The following LURAP1L variants were observed in gnomAD, a reference collection of about 807,000 sequenced individuals.
LURAP1L encodes leucine rich adaptor protein 1-like.
Under a neutral mutation model 13.8 loss-of-function variants are expected in LURAP1L, and 12 were observed. The observed-to-expected ratio is 0.87, with a 90% confidence interval of 0.56 to 1.41. The LOEUF is 1.41. Ranked by LOEUF, LURAP1L falls within the 40% of genes most tolerant of loss-of-function variation. LURAP1L has a pLI of 0.00. For missense variants in LURAP1L, 375 were observed against 292.9 expected (o/e 1.28, Z -2.04); for synonymous variants, 139 against 119.2 (o/e 1.17, Z -1.08).
chr9:12,784,712 T>C (rs954767397), intron 1 of LURAP1L, among the ~76,000 whole-genome samples: 1 of 152,092 alleles, frequency 6.6e-6, no homozygotes, highest in African/African-American at 2.4e-5. Flanking sequence ...GATGTTTATT[T>C]AAGGCCCAAG....
intron 1 of LURAP1L, among the ~76,000 whole-genome samples, chr9:12,798,079 A>AT (rs1238616960): frequency 6.6e-6 from 1 of 152,204 alleles, no homozygotes; most frequent in Non-Finnish European, 1.5e-5. Context: ...CATAAGCATC[A>AT]TTTTTATTTC....
chr9:12,792,233 A>G (rs1819450075), intron 1 of LURAP1L, among the ~76,000 whole-genome samples: 1 of 152,158 alleles, frequency 6.6e-6, no homozygotes, highest in African/African-American at 2.4e-5. Flanking sequence ...TAACAAAACA[A>G]TTGCCTTGCA....
At chr9:12,815,729 C>A (rs989498967) in intron 1 of LURAP1L, among the ~76,000 whole-genome samples, 2 of 152,114 alleles carry the variant, frequency 1.3e-5, no homozygotes, top group Non-Finnish European at 2.9e-5. Context: ...GTATATGATG[C>A]TATCCAAGGC....
rs1194656276 is a variant in LURAP1L at position 12,775,914 on chromosome 9, C to T, written c.199C>T (p.Pro67Ser). 5 of 1,568,296 alleles carry T rather than the reference C, an allele frequency of 3.2e-6. No homozygotes were observed. The highest frequency in any genetic ancestry group is 1.7e-4 in the Middle Eastern group (1 of 6,008). The change falls in exon 1 of 2, where the codon CCC becomes TCC. Residue 67 changes from proline to serine, a missense_variant. Coordinates refer to ENST00000319264, the MANE Select transcript of LURAP1L (RefSeq NM_203403.2). ...CAGCAGCAGCTACTGCAGCTTCCCT[C>T]CCTCCTTGTCGTCCTCCTCTTCGTC... is the stretch of plus-strand genomic sequence containing the variant. ...SSSSSYCSFP[P>S]SLSSSSSSSP...
At chr9:12,802,215 C>T (rs10960800) in intron 1 of LURAP1L, among the ~76,000 whole-genome samples, 19,712 of 152,144 alleles carry the variant, frequency 0.13, 1,579 homozygotes, top group East Asian at 0.27. Flanking sequence ...AATAAAGCCT[C>T]TAAGCTATTT....
chr9:12,814,836 T>C (rs1458926490), intron 1 of LURAP1L, among the ~76,000 whole-genome samples: 2 of 152,220 alleles, frequency 1.3e-5, no homozygotes, highest in African/African-American at 4.8e-5. Context: ...GTTTCAGTTA[T>C]TGTTCAGTTC....
At chr9:12,813,799 T>C (rs1031015413) in intron 1 of LURAP1L, among the ~76,000 whole-genome samples, 2 of 152,192 alleles carry the variant, frequency 1.3e-5, no homozygotes, top group Non-Finnish European at 2.9e-5. Flanking sequence ...TAGTTTTCAC[T>C]AAGTGAAAAA....
chr9:12,810,719 T>C (rs1190671582), intron 1 of LURAP1L, among the ~76,000 whole-genome samples: 1 of 152,184 alleles, frequency 6.6e-6, no homozygotes, highest in Non-Finnish European at 1.5e-5. Context: ...AATCACTAGA[T>C]TGGAAAGTTA....
chr9:12,816,442 T>G (rs1026463599), intron 1 of LURAP1L, among the ~76,000 whole-genome samples: 2 of 152,176 alleles, frequency 1.3e-5, no homozygotes, highest in Admixed American at 1.3e-4. Context: ...AATAGGAAGA[T>G]AGTGGCAGTG....
rs149251238 is a variant in LURAP1L, at chr9:12,799,001, C to G, written c.313-22385C>G. Among the ~76,000 whole-genome samples, 4 of 152,060 alleles carry G rather than the reference C, an allele frequency of 2.6e-5. No individual in the cohort carries two copies. The East Asian group carries it at 7.7e-4, about 29-fold the overall frequency. On this transcript the variant is annotated intron_variant, in intron 1 of 1. Transcript: ENST00000319264. ...TTGAAAGATTATTCTTTTTTTAATCCAGTCCTAAACTGTCATCAGAAAATG... is the reference window on the plus strand; with the variant it reads ...TTGAAAGATTATTCTTTTTTTAATCGAGTCCTAAACTGTCATCAGAAAATG...
intron 1 of LURAP1L, among the ~76,000 whole-genome samples, chr9:12,798,109 G>C (rs1326567011): frequency 6.6e-6 from 1 of 152,150 alleles, no homozygotes; most frequent in Non-Finnish European, 1.5e-5. Flanking sequence ...ATAAAAGCAT[G>C]TATAATTTAG....
chr9:12,812,098 C>T (rs571073982), intron 1 of LURAP1L, among the ~76,000 whole-genome samples: 269 of 152,272 alleles, frequency 1.8e-3, no homozygotes, highest in African/African-American at 6.3e-3. Context: ...AGGCAGAAGC[C>T]ACAATCTTTT....
At position 12,821,739 on chromosome 9, in the gene LURAP1L, T is replaced by G. The variant is rs771526538; in HGVS notation, c.666T>G (p.Ser222=). ...QALHKRPKLD[S]EYYCFG is the part of the protein sequence containing the mutation. ...TACACAAGCGTCCTAAATTGGATTC[T>G]GAATACTACTGCTTTGGCTAGTGAC... The change falls in exon 2 of 2, where the codon TCT becomes TCG. Residue 222 remains serine, a synonymous_variant. Transcript: ENST00000319264. The G allele has an allele frequency of 3.7e-6, 6 of 1,613,296 alleles. No homozygotes were observed. The South Asian group carries it at 6.6e-5, about 18-fold the overall frequency.
chr9:12,807,025 A>ACTAACTAACTGACTAACTAACTAACT (rs1563896042), intron 1 of LURAP1L, among the ~76,000 whole-genome samples: 31 of 140,154 alleles, frequency 2.2e-4, no homozygotes, highest in African/African-American at 3.0e-4. Context: ...CGTCTCAAAA[A>ACTAACTAACTGACTAACTAACTAACT]AAAAAAAAAA....
intron 1 of LURAP1L, among the ~76,000 whole-genome samples, chr9:12,818,631 C>G (rs1447697627): frequency 6.6e-6 from 1 of 152,124 alleles, no homozygotes; most frequent in Non-Finnish European, 1.5e-5. Context: ...GCAGAGGAGG[C>G]TGGAGCCCTC....
At chr9:12,777,439 T>C (rs2118450776) in intron 1 of LURAP1L, 2 of 985,338 alleles carry the variant, frequency 2.0e-6, no homozygotes, top group African/African-American at 1.7e-5. Context: ...TTGCTAACTC[T>C]GCAAATTAAG....
At chr9:12,776,128 G>A (rs1819178534) in intron 1 of LURAP1L, 101 bp downstream of exon 1, 1 of 1,238,992 alleles carries the variant, frequency 8.1e-7, no homozygotes, top group Non-Finnish European at 1.1e-6. Flanking sequence ...AGGGGCTGCA[G>A]AGCGGAGCGC....
chr9:12,802,133 T>A (rs1697677939), intron 1 of LURAP1L, among the ~76,000 whole-genome samples: 3 of 152,180 alleles, frequency 2.0e-5, no homozygotes, highest in African/African-American at 7.2e-5. Context: ...ACAGCCCAAA[T>A]TAATTTTTCT....
rs187884414 is a variant in LURAP1L at position 12,806,138 on chromosome 9, A to T, written c.313-15248A>T. 6.1e-3 allele frequency among the ~76,000 whole-genome samples: 927 copies of T among 152,264 alleles called. 2 individuals are homozygous for T. Among genetic ancestry groups the T allele is most frequent in the Non-Finnish European group, 0.01 (714 of 68,002 alleles). ...AAATCTGTCAAAATATAATTTTTTT[A>T]AAAAGTTGAAAACATGACTCTTACA... On this transcript the variant is annotated intron_variant, in intron 1 of 1. Transcript: ENST00000319264.
Sources: gnomAD v4.1 joint callset for allele counts (sites outside exome capture counted in the v4.1 genomes callset) on GRCh38, gnomAD v4.1.1 for gene constraint, MANE v1.5 for transcripts, NCBI Gene and HGNC (gene_info 2026-07-23, HGNC 2026-07-21) for gene names.